CSMD1: variants seen among roughly 807,000 people sequenced by gnomAD.
The protein encoded by CSMD1 is CUB and sushi domain-containing protein 1.
A neutral mutation model predicts 417.5 loss-of-function variants in CSMD1; 213 were observed. The ratio of observed to expected loss-of-function variants is 0.51; its 90% CI spans 0.46 to 0.57. The LOEUF is 0.57. Among genes scored for constraint, CSMD1 ranks in the 20% least tolerant of loss-of-function variants. The pLI is 0.00. For missense variants in CSMD1, 6,923 were observed against 4,529.7 expected, an observed-to-expected ratio of 1.53 and a Z score of -15.17; for synonymous variants, 2,862 against 1,736.8, an observed-to-expected ratio of 1.65 and a Z score of -16.11.
chr8:3,116,412 A>T (rs1816874559), intron 42 of CSMD1, among the ~76,000 whole-genome samples: 1 of 152,164 alleles, frequency 6.6e-6, no homozygotes, highest in African/African-American at 2.4e-5. Flanking sequence ...TTTTCCCTGG[A>T]ATATATTGAC....
At chr8:3,549,228 A>C (rs1355327510) in intron 10 of CSMD1, among the ~76,000 whole-genome samples, 1 of 152,142 alleles carries the variant, frequency 6.6e-6, no homozygotes, top group Non-Finnish European at 1.5e-5. Flanking sequence ...CATGGTTTCT[A>C]TGTTCTGAAA....
At chr8:3,350,844 G>C (rs192822041) in intron 21 of CSMD1, among the ~76,000 whole-genome samples, 4 of 147,418 alleles carry the variant, frequency 2.7e-5, no homozygotes, top group African/African-American at 1.0e-4. Context: ...TTTGGAATCT[G>C]GGATTTTTTT....
At chr8:4,025,865 T>C (rs1006834291) in intron 4 of CSMD1, among the ~76,000 whole-genome samples, 6 of 152,174 alleles carry the variant, frequency 3.9e-5, no homozygotes, top group African/African-American at 7.2e-5. Context: ...CCTTTTTCTT[T>C]AAAGAACATC....
rs1379656603 is a variant in CSMD1 at position 3,308,420 on chromosome 8, C to T, written c.3715G>A (p.Val1239Ile). ...IRDEGHFTDT[V>I]VLYSCNPGYA... Reference sequence around the variant, plus strand: ...CCCGGGTTGCAACTGTACAGAACTACAGTGTCGGTAAAGTGGCCTTCATCA... The same window carrying T: ...CCCGGGTTGCAACTGTACAGAACTATAGTGTCGGTAAAGTGGCCTTCATCA... The change falls in exon 24 of 70, where the codon GTA becomes ATA. Residue 1239 changes from valine (V) to isoleucine (I), a missense_variant. Physicochemically the swap from Val to Ile is conservative, Grantham distance 29. Coordinates refer to ENST00000635120, the MANE Select transcript of CSMD1 (RefSeq NM_033225.6). The T allele has an allele frequency of 1.2e-6, 2 of 1,613,834 alleles. No homozygotes were observed. The highest frequency in any genetic ancestry group is 1.7e-5 in the Admixed American group (1 of 60,024).
intron 5 of CSMD1, among the ~76,000 whole-genome samples, chr8:3,880,950 A>G (rs1806166191): frequency 6.6e-6 from 1 of 152,226 alleles, no homozygotes; most frequent in Non-Finnish European, 1.5e-5. Flanking sequence ...AAATTAGTAT[A>G]GAAAAGACAA....
intron 3 of CSMD1, among the ~76,000 whole-genome samples, chr8:4,151,878 C>G (rs575253456): frequency 3.0e-4 from 45 of 152,248 alleles, no homozygotes; most frequent in African/African-American, 1.0e-3. Flanking sequence ...TGCAGGCACA[C>G]ATTAAATATT....
At chr8:3,922,195 C>T (rs937566159) in intron 5 of CSMD1, among the ~76,000 whole-genome samples, 2 of 151,896 alleles carry the variant, frequency 1.3e-5, no homozygotes, top group African/African-American at 4.8e-5. Context: ...ATAGACAACC[C>T]TACTCTCTTC....
chr8:4,478,707 G>C (rs893747819), intron 2 of CSMD1, among the ~76,000 whole-genome samples: 1 of 152,154 alleles, frequency 6.6e-6, no homozygotes, highest in African/African-American at 2.4e-5. Flanking sequence ...TACTTGTAAA[G>C]CTGATTCTTC....
intron 2 of CSMD1, among the ~76,000 whole-genome samples, chr8:4,495,071 G>A (rs1418962583): frequency 2.0e-5 from 3 of 152,092 alleles, no homozygotes; most frequent in Admixed American, 6.6e-5. Context: ...GGGAGACAAG[G>A]AAAGAAACCA....
At chr8:3,961,039 G>A (rs899819624) in intron 5 of CSMD1, among the ~76,000 whole-genome samples, 1 of 151,838 alleles carries the variant, frequency 6.6e-6, no homozygotes, top group East Asian at 1.9e-4. Flanking sequence ...TAAAAAAGAG[G>A]AAAAGATAAT....
chr8:4,790,051 G>A (rs1349025574), intron 1 of CSMD1, among the ~76,000 whole-genome samples: 1 of 152,162 alleles, frequency 6.6e-6, no homozygotes, highest in Non-Finnish European at 1.5e-5. Flanking sequence ...TGAATCTTCA[G>A]AGAATTCTAG....
intron 3 of CSMD1, among the ~76,000 whole-genome samples, chr8:4,406,692 G>A (rs548436288): frequency 6.6e-6 from 1 of 152,094 alleles, no homozygotes; most frequent in Non-Finnish European, 1.5e-5. Flanking sequence ...ACTACACAAA[G>A]AAAACTTTCA....
intron 2 of CSMD1, among the ~76,000 whole-genome samples, chr8:4,603,274 A>AT (rs1278081951): frequency 1.1e-4 from 16 of 151,900 alleles, no homozygotes; most frequent in East Asian, 3.9e-4. Flanking sequence ...TACTCCTTTA[A>AT]TTTTTTTTAC....
chr8:4,013,463 C>T (rs2740942), intron 4 of CSMD1, among the ~76,000 whole-genome samples: 85,778 of 151,914 alleles, frequency 0.56, 24,524 homozygotes, highest in South Asian at 0.66. Context: ...GTTTCCAGGA[C>T]ATGGGATCTT....
At chr8:4,440,230 G>A (rs1390718387) in intron 2 of CSMD1, among the ~76,000 whole-genome samples, 4 of 152,116 alleles carry the variant, frequency 2.6e-5, no homozygotes, top group Non-Finnish European at 5.9e-5. Context: ...CTACCTATAT[G>A]TGCATGTGCA....
intron 9 of CSMD1, among the ~76,000 whole-genome samples, chr8:3,576,262 A>G (rs1800146526): frequency 9.1e-6 from 1 of 110,098 alleles, no homozygotes; most frequent in Non-Finnish European, 1.8e-5. Context: ...TCTTCCATGC[A>G]TGTCAAAATA....
At chr8:4,394,308 A>G (rs1804059688) in intron 3 of CSMD1, among the ~76,000 whole-genome samples, 1 of 152,116 alleles carries the variant, frequency 6.6e-6, no homozygotes, top group African/African-American at 2.4e-5. Context: ...TTACCCTCCT[A>G]TGTTTCAATA....
Position 3,584,789 on chromosome 8 carries a change from AT to A in CSMD1, c.1222+1346del, listed in dbSNP as rs202044802. 8.2e-3 allele frequency among the ~76,000 whole-genome samples: 1,247 copies of A among 151,820 alleles called. 13 individuals carry two copies. Among genetic ancestry groups the A allele is most frequent in the African/African-American group, 0.027 (1,133 of 41,410 alleles). ...ATAAGAGCAAGAAAACTATTGAAGG[AT>A]TTTTTTTTCCCCAAAGGAAAAATAA... On this transcript the variant is annotated intron_variant, in intron 9 of 69. Coordinates refer to ENST00000635120, the MANE Select transcript of CSMD1 (RefSeq NM_033225.6).
intron 1 of CSMD1, among the ~76,000 whole-genome samples, chr8:4,894,816 G>C (rs1804371936): frequency 6.6e-6 from 1 of 151,938 alleles, no homozygotes; most frequent in South Asian, 2.1e-4. Flanking sequence ...CGGACAACTT[G>C]ATCTGTGCCA....
Sources: allele counts gnomAD v4.1 joint callset (sites outside exome capture counted in the v4.1 genomes callset), GRCh38; gene constraint gnomAD v4.1.1; transcripts MANE v1.5; gene names NCBI Gene and HGNC (gene_info 2026-07-23, HGNC 2026-07-21).